The following NEGR1 variants were observed in gnomAD, a reference collection of about 807,000 sequenced individuals.
The protein encoded by NEGR1 is IgLON family member 4.
Under a neutral mutation model 40.9 loss-of-function variants are expected in NEGR1, and 10 were observed. That is an observed-to-expected ratio of 0.24 (90% CI 0.15 to 0.42). The LOEUF (loss-of-function observed/expected upper bound fraction) is 0.42. Among genes scored for constraint, NEGR1 ranks in the 10% least tolerant of loss-of-function variants. The probability of loss-of-function intolerance (pLI) is 1.00; values close to 1 mark genes in which losing one functional copy is unlikely to be tolerated. For synonymous variants in NEGR1, 185 were observed against 166.8 expected (o/e 1.11, Z -0.84); for missense variants, 352 against 438.9 (o/e 0.80, Z 1.77).
intron 1 of NEGR1, among the ~76,000 whole-genome samples, chr1:72,225,807 A>G (rs1654172987): frequency 6.6e-6 from 1 of 151,698 alleles, no homozygotes; most frequent in East Asian, 1.9e-4. Context: ...AAATTAAACT[A>G]CTTTAGGTAA....
intron 1 of NEGR1, among the ~76,000 whole-genome samples, chr1:72,151,718 A>G (rs1314375104): frequency 6.6e-6 from 1 of 151,880 alleles, no homozygotes. Flanking sequence ...AAATACTTCT[A>G]TGATCTAAGA....
At chr1:71,855,106 A>G in intron 2 of NEGR1, among the ~76,000 whole-genome samples, 1 of 152,102 alleles carries the variant, frequency 6.6e-6, no homozygotes, top group Middle Eastern at 3.2e-3. Context: ...CTCCCCAAAC[A>G]GTATCACGTT....
At chr1:71,647,472 A>G (rs1285728029) in intron 4 of NEGR1, among the ~76,000 whole-genome samples, 1 of 151,912 alleles carries the variant, frequency 6.6e-6, no homozygotes, top group Non-Finnish European at 1.5e-5. Context: ...GTGAAGAAAT[A>G]GTCATTTGAC....
chr1:71,652,588 C>T (rs1651753217), intron 4 of NEGR1, among the ~76,000 whole-genome samples: 1 of 152,198 alleles, frequency 6.6e-6, no homozygotes, highest in African/African-American at 2.4e-5. Flanking sequence ...ATAGAAAAAG[C>T]TGGCCCGGTG....
intron 1 of NEGR1, among the ~76,000 whole-genome samples, chr1:72,064,962 G>A (rs536607366): frequency 1.3e-5 from 2 of 152,016 alleles, no homozygotes; most frequent in Non-Finnish European, 2.9e-5. Flanking sequence ...CTCCAGTTCT[G>A]TTTTATTATT....
chr1:71,634,991 C>T (rs947952605), intron 4 of NEGR1, among the ~76,000 whole-genome samples: 9 of 152,008 alleles, frequency 5.9e-5, no homozygotes, highest in African/African-American at 1.4e-4. Context: ...AAAGAAAATG[C>T]TTGTTCCAGT....
chr1:71,462,159 A>C (rs987384433), intron 6 of NEGR1, among the ~76,000 whole-genome samples: 1 of 152,186 alleles, frequency 6.6e-6, no homozygotes, highest in Non-Finnish European at 1.5e-5. Flanking sequence ...CTTATAAGTA[A>C]AATCAATGAT....
chr1:71,561,301 AT>A (rs1648450087), intron 6 of NEGR1, among the ~76,000 whole-genome samples: 2 of 151,696 alleles, frequency 1.3e-5, no homozygotes, highest in South Asian at 4.1e-4. Context: ...AGCCCATGTT[AT>A]TATACATCTA....
At position 71,854,919 on chromosome 1, in the gene NEGR1, C is replaced by G. The variant is rs994521808; in HGVS notation, c.410-78622G>C. On this transcript the variant is annotated intron_variant, in intron 2 of 6. Transcript: ENST00000357731. ...AGATTTGGGTGAGGACACAGCCAAA[C>G]CATATCAATAATCTTAGGTATCAAA... Among the ~76,000 whole-genome samples the G allele has an allele frequency of 2.6e-5, 4 of 152,026 alleles. No homozygotes were observed. The East Asian group carries it at 7.7e-4, about 29-fold the overall frequency.
chr1:72,094,665 T>A (rs766164101), intron 1 of NEGR1, among the ~76,000 whole-genome samples: 14 of 152,158 alleles, frequency 9.2e-5, no homozygotes, highest in Non-Finnish European at 1.9e-4. Context: ...TTATCTTCAT[T>A]AGCTCCCCAA....
chr1:71,777,149 C>T (rs892224411), intron 2 of NEGR1, among the ~76,000 whole-genome samples: 1 of 151,974 alleles, frequency 6.6e-6, no homozygotes. Context: ...TTTGAGAAAC[C>T]AAATGTCTCA....
intron 6 of NEGR1, among the ~76,000 whole-genome samples, chr1:71,428,784 C>A (rs187471652): frequency 3.3e-5 from 5 of 151,694 alleles, no homozygotes; most frequent in African/African-American, 1.2e-4. Context: ...CTAGATTTAA[C>A]CCAGTCTATG....
intron 1 of NEGR1, among the ~76,000 whole-genome samples, chr1:72,217,572 T>A (rs999548515): frequency 6.6e-6 from 1 of 151,842 alleles, no homozygotes; most frequent in Non-Finnish European, 1.5e-5. Context: ...TAAGTGCCAA[T>A]AAACAGTTAC....
At chr1:72,061,566 T>A (rs375671419) in intron 1 of NEGR1, among the ~76,000 whole-genome samples, 69 of 151,714 alleles carry the variant, frequency 4.5e-4, no homozygotes, top group African/African-American at 1.5e-3. Flanking sequence ...ATGCAGATAA[T>A]CCATATAGAT....
intron 1 of NEGR1, among the ~76,000 whole-genome samples, chr1:72,129,414 C>T (rs1316806847): frequency 6.6e-6 from 1 of 152,044 alleles, no homozygotes; most frequent in East Asian, 1.9e-4. Context: ...CTAGTTAATA[C>T]AAAAGTTACA....
intron 2 of NEGR1, among the ~76,000 whole-genome samples, chr1:71,806,894 T>G (rs1277156309): frequency 7.0e-6 from 1 of 143,780 alleles, no homozygotes; most frequent in African/African-American, 2.6e-5. Flanking sequence ...ATCTGTTTTT[T>G]TTTGTTTTTT....
chr1:71,519,949 A>G (rs1647143595), intron 6 of NEGR1, among the ~76,000 whole-genome samples: 1 of 152,058 alleles, frequency 6.6e-6, no homozygotes, highest in African/African-American at 2.4e-5. Context: ...TTCACAGCTA[A>G]GGAAAGGTCT....
chr1:71,662,987 C>T (rs997376606), intron 4 of NEGR1, among the ~76,000 whole-genome samples: 7 of 151,164 alleles, frequency 4.6e-5, no homozygotes, highest in Non-Finnish European at 7.4e-5. Flanking sequence ...GACGGGGTCT[C>T]GTTCTGTCTC....
chr1:72,007,640 T>C (rs554182810), intron 1 of NEGR1, among the ~76,000 whole-genome samples: 27 of 152,210 alleles, frequency 1.8e-4, no homozygotes, highest in African/African-American at 6.5e-4. Context: ...TAAAAATAAA[T>C]CCTAAATTTA....
Sources: gnomAD v4.1 joint callset for allele counts (sites outside exome capture counted in the v4.1 genomes callset) on GRCh38, gnomAD v4.1.1 for gene constraint, MANE v1.5 for transcripts, NCBI Gene and HGNC (gene_info 2026-07-23, HGNC 2026-07-21) for gene names.